PRLR: variants seen among roughly 807,000 people sequenced by gnomAD.
PRLR encodes the protein hPRL receptor.
In PRLR, 13 loss-of-function variants were observed where a neutral mutation model predicts 40.2. That is an observed-to-expected ratio of 0.32 (90% CI 0.21 to 0.51). PRLR has a LOEUF of 0.51. PRLR is among the 20% of genes least tolerant of loss of function. The pLI is 0.97. For missense variants in PRLR, 656 were observed against 747.3 expected (o/e 0.88, Z 1.42); for synonymous variants, 269 against 278.7 (o/e 0.97, Z 0.35).
At chr5:35,205,071 C>T (rs147752520) in intron 1 of PRLR, among the ~76,000 whole-genome samples, 100 of 151,952 alleles carry the variant, frequency 6.6e-4, no homozygotes, top group African/African-American at 2.2e-3. Context: ...TGTGTAAAAT[C>T]GGGAAACATG....
intron 1 of PRLR, among the ~76,000 whole-genome samples, chr5:35,193,074 A>G (rs939085563): frequency 6.6e-6 from 1 of 152,160 alleles, no homozygotes; most frequent in Non-Finnish European, 1.5e-5. Flanking sequence ...CTCCCTGTGG[A>G]CATATCCTTC....
In PRLR at chr5:35,060,036, G is replaced by A. The variant is rs943730090; in HGVS notation, c.*5053C>T. 1 of 152,200 alleles carries A rather than the reference G, an allele frequency of 6.6e-6. No individual in the cohort carries two copies. The highest frequency in any genetic ancestry group is 1.5e-5 in the Non-Finnish European group (1 of 68,050). The allele number at this position is 152,200 out of a possible 1,614,324, so 9.4% of individuals were successfully genotyped here. A position where few individuals can be genotyped will look rare whatever the true frequency, so the allele number is the denominator to read the frequency against. ...TTTTGTAGAGACTGGGTCTTACTATGTTGCGTAGGCTGGGCATGGATTTAT... is the reference window on the plus strand; with the variant it reads ...TTTTGTAGAGACTGGGTCTTACTATATTGCGTAGGCTGGGCATGGATTTAT... On this transcript the variant is annotated 3_prime_UTR_variant, in exon 10 of 10. Transcript: ENST00000618457.
intron 2 of PRLR, among the ~76,000 whole-genome samples, chr5:35,099,960 A>G (rs1771770628): frequency 6.6e-6 from 1 of 152,006 alleles, no homozygotes; most frequent in South Asian, 2.1e-4. Context: ...GCAGATCATG[A>G]GGTCAGGAGT....
chr5:35,195,251 A>C (rs1438145781), intron 1 of PRLR: 2 of 152,254 alleles, frequency 1.3e-5, no homozygotes, highest in South Asian at 2.1e-4. Context: ...CTGGTCTGTC[A>C]TGTGACCGGG....
At chr5:35,076,543 T>C (rs1579587559) in intron 5 of PRLR, among the ~76,000 whole-genome samples, 1 of 152,194 alleles carries the variant, frequency 6.6e-6, no homozygotes, top group African/African-American at 2.4e-5. Context: ...TACGGGACTA[T>C]GTGAAAAGAC....
chr5:35,178,922 C>G (rs1775217697), intron 1 of PRLR, among the ~76,000 whole-genome samples: 3 of 152,140 alleles, frequency 2.0e-5, no homozygotes. Flanking sequence ...TGTTTGTAAC[C>G]TGGCTAAAGT....
intron 1 of PRLR, among the ~76,000 whole-genome samples, chr5:35,137,763 C>T (rs1193544217): frequency 6.6e-6 from 1 of 152,056 alleles, no homozygotes; most frequent in Non-Finnish European, 1.5e-5. Flanking sequence ...TGGGAATCAA[C>T]CAGGAGGAAA....
rs149799777 is a variant in PRLR at position 35,066,637 on chromosome 5, C to T, written c.856-535G>A. The stretch of plus-strand genomic sequence containing the variant: ...TGTTTTCTTCTACTCTACTTCCTCT[C>T]CCTCCTTCTCTTCTCCCCCTTCATC... On this transcript the variant is annotated intron_variant, in intron 9 of 9. Transcript: ENST00000618457. Among the ~76,000 whole-genome samples, 176 of 151,910 alleles carry T rather than the reference C, an allele frequency of 1.2e-3. 2 individuals are homozygous for T. In the East Asian group the frequency reaches 0.031, roughly 27 times the overall value.
intron 6 of PRLR, among the ~76,000 whole-genome samples, chr5:35,071,275 G>C (rs1002953117): frequency 3.3e-5 from 5 of 152,044 alleles, no homozygotes; most frequent in Non-Finnish European, 7.3e-5. Context: ...TACTCTATGG[G>C]ACAAGTGGCC....
At chr5:35,204,685 A>C (rs1325815799) in intron 1 of PRLR, among the ~76,000 whole-genome samples, 7 of 152,184 alleles carry the variant, frequency 4.6e-5, no homozygotes, top group South Asian at 2.1e-4. Context: ...GAATCTTCAC[A>C]AATTCCAAAG....
chr5:35,088,532 G>A (rs1771001605), intron 3 of PRLR, among the ~76,000 whole-genome samples: 3 of 152,048 alleles, frequency 2.0e-5, no homozygotes, highest in Admixed American at 2.0e-4. Flanking sequence ...TTCTCTCTCT[G>A]AAAGCTTCTC....
At chr5:35,129,944 A>G (rs141035222) in intron 1 of PRLR, among the ~76,000 whole-genome samples, 5 of 152,194 alleles carry the variant, frequency 3.3e-5, no homozygotes, top group African/African-American at 9.6e-5. Flanking sequence ...CAGGTGACTT[A>G]CCCTGGGCAT....
chr5:35,120,130 G>A (rs1579694945), intron 1 of PRLR, among the ~76,000 whole-genome samples: 1 of 152,102 alleles, frequency 6.6e-6, no homozygotes, highest in African/African-American at 2.4e-5. Flanking sequence ...AGTGGGTAGA[G>A]CATGGAGATG....
intron 2 of PRLR, among the ~76,000 whole-genome samples, chr5:35,109,283 A>T (rs1177916090): frequency 6.6e-6 from 1 of 152,222 alleles, no homozygotes; most frequent in African/African-American, 2.4e-5. Context: ...AATCTAGGCA[A>T]TACCATTCAG....
chr5:35,075,261 A>G (rs958659829), intron 5 of PRLR, among the ~76,000 whole-genome samples: 1 of 152,182 alleles, frequency 6.6e-6, no homozygotes, highest in Admixed American at 6.5e-5. Flanking sequence ...CGGGAAGTGC[A>G]AGGGGTCAGG....
intron 1 of PRLR, among the ~76,000 whole-genome samples, chr5:35,186,998 C>T (rs1232689799): frequency 6.6e-6 from 1 of 152,014 alleles, no homozygotes; most frequent in Non-Finnish European, 1.5e-5. Context: ...CTGGTGTGTA[C>T]CAGGAAGCGC....
chr5:35,097,632 C>T (rs1398311579), intron 2 of PRLR, among the ~76,000 whole-genome samples: 1 of 151,692 alleles, frequency 6.6e-6, no homozygotes, highest in Non-Finnish European at 1.5e-5. Context: ...ACCTTGGGGT[C>T]GTAGATTCTG....
chr5:35,087,539 A>G (rs923342417), intron 3 of PRLR, among the ~76,000 whole-genome samples: 22 of 151,550 alleles, frequency 1.5e-4, no homozygotes, highest in Middle Eastern at 3.4e-3. Flanking sequence ...GGGTCTATAA[A>G]ACTATAATTT....
intron 3 of PRLR, among the ~76,000 whole-genome samples, chr5:35,088,803 A>G (rs1190936757): frequency 6.6e-6 from 1 of 152,186 alleles, no homozygotes; most frequent in Non-Finnish European, 1.5e-5. Context: ...GTGCATACTC[A>G]TGGAAGTACA....
Sources: allele counts gnomAD v4.1 joint callset (sites outside exome capture counted in the v4.1 genomes callset), GRCh38; gene constraint gnomAD v4.1.1; transcripts MANE v1.5; gene names NCBI Gene and HGNC (gene_info 2026-07-23, HGNC 2026-07-21).